GRIP1: variants seen among roughly 807,000 people sequenced by gnomAD.
GRIP1 encodes glutamate receptor interacting protein 1.
GRIP1 carries 45 observed loss-of-function variants against 129.9 expected under a neutral mutation model. That is an observed-to-expected ratio of 0.35 (90% CI 0.27 to 0.44). GRIP1 has a LOEUF of 0.44. GRIP1 is among the 20% of genes least tolerant of loss of function. The pLI, the probability that GRIP1 is intolerant of heterozygous loss-of-function variation, is 1.00. For missense variants in GRIP1, 1,196 were observed against 1,396.8 expected, an observed-to-expected ratio of 0.86 and a Z score of 2.29; for synonymous variants, 530 against 520.8, an observed-to-expected ratio of 1.02 and a Z score of -0.24.
At chr12:66,869,309 T>A (rs1441147676) in intron 1 of GRIP1, among the ~76,000 whole-genome samples, 1 of 152,050 alleles carries the variant, frequency 6.6e-6, no homozygotes, top group Non-Finnish European at 1.5e-5. Flanking sequence ...ACTGCTTCAC[T>A]CATCTACTAG....
At chr12:66,847,614 A>C (rs1386375551) in intron 1 of GRIP1, among the ~76,000 whole-genome samples, 1 of 152,186 alleles carries the variant, frequency 6.6e-6, no homozygotes, top group Non-Finnish European at 1.5e-5. Flanking sequence ...GGCCGATTTC[A>C]TATGAAGAGT....
At chr12:66,970,514 T>A (rs2042058427) in intron 1 of GRIP1, among the ~76,000 whole-genome samples, 1 of 151,042 alleles carries the variant, frequency 6.6e-6, no homozygotes, top group East Asian at 2.0e-4. Context: ...AATGTGGTTG[T>A]CAGAGGTTTC....
At chr12:66,806,220 GT>G (rs901395440), upstream of GRIP1, among the ~76,000 whole-genome samples, 5 of 152,036 alleles carry the variant, frequency 3.3e-5, no homozygotes, top group Admixed American at 6.5e-5. Flanking sequence ...TGTTTTAGTG[GT>G]TTGTCCAAGA....
At chr12:66,959,098 T>C (rs890967163) in intron 1 of GRIP1, among the ~76,000 whole-genome samples, 54 of 152,244 alleles carry the variant, frequency 3.5e-4, no homozygotes, top group Admixed American at 5.9e-4. Flanking sequence ...CCCCATTTTT[T>C]AATTGGTATA....
chr12:67,012,504 C>T (rs2042725113), intron 1 of GRIP1, among the ~76,000 whole-genome samples: 1 of 152,184 alleles, frequency 6.6e-6, no homozygotes, highest in South Asian at 2.1e-4. Flanking sequence ...TAAGCCATCA[C>T]TTAGGACCTG....
At chr12:66,585,524 G>C (rs868720885) in intron 2 of GRIP1, among the ~76,000 whole-genome samples, 17 of 139,982 alleles carry the variant, frequency 1.2e-4, no homozygotes, top group African/African-American at 2.6e-4. Context: ...TGGGTTGGTT[G>C]CAAGTCTTTG....
intron 9 of GRIP1, among the ~76,000 whole-genome samples, chr12:66,456,947 G>C (rs369345053): frequency 6.6e-6 from 1 of 151,966 alleles, no homozygotes; most frequent in Admixed American, 6.5e-5. Flanking sequence ...CGACTAATAA[G>C]GAGAAGATAA....
chr12:66,352,268 G>C (rs1234117369), intron 24 of GRIP1, among the ~76,000 whole-genome samples: 4 of 152,178 alleles, frequency 2.6e-5, no homozygotes. Flanking sequence ...CTTTTAGACG[G>C]AGTGGTTTAA....
intron 1 of GRIP1, among the ~76,000 whole-genome samples, chr12:66,894,178 A>C (rs945018081): frequency 6.6e-6 from 1 of 152,136 alleles, no homozygotes; most frequent in African/African-American, 2.4e-5. Flanking sequence ...GGACACATTT[A>C]AAAGTCTTTC....
intron 1 of GRIP1, among the ~76,000 whole-genome samples, chr12:66,659,492 T>C (rs1276623627): frequency 6.6e-6 from 1 of 152,246 alleles, no homozygotes; most frequent in Non-Finnish European, 1.5e-5. Context: ...AACAAAATAC[T>C]TAAAAGTTAC....
intron 1 of GRIP1, among the ~76,000 whole-genome samples, chr12:66,736,595 G>A (rs899975547): frequency 1.3e-5 from 2 of 151,794 alleles, no homozygotes; most frequent in South Asian, 4.2e-4. Context: ...AGGCTGAGGA[G>A]CAGGAGGAAA....
intron 1 of GRIP1, among the ~76,000 whole-genome samples, chr12:66,817,698 C>A (rs1318467974): frequency 6.6e-6 from 1 of 152,156 alleles, no homozygotes; most frequent in East Asian, 1.9e-4. Context: ...CAGGCATGAG[C>A]CACCATGCCT....
chr12:66,480,756 C>T (rs967121896), intron 7 of GRIP1, among the ~76,000 whole-genome samples: 8 of 152,094 alleles, frequency 5.3e-5, no homozygotes, highest in African/African-American at 1.9e-4. Flanking sequence ...GAAATAATAC[C>T]ACACATCTAC....
chr12:66,893,038 C>T (rs567840124), intron 1 of GRIP1, among the ~76,000 whole-genome samples: 1 of 152,184 alleles, frequency 6.6e-6, no homozygotes, highest in African/African-American at 2.4e-5. Flanking sequence ...CACAAAGAAA[C>T]ATCCTATGCC....
intron 1 of GRIP1, among the ~76,000 whole-genome samples, chr12:66,892,834 G>A (rs1403368375): frequency 6.6e-6 from 1 of 152,148 alleles, no homozygotes; most frequent in East Asian, 1.9e-4. Flanking sequence ...AGGTATGGTG[G>A]TGCACACCTG....
At chr12:66,425,487 G>C (rs2057951071) in intron 14 of GRIP1, among the ~76,000 whole-genome samples, 1 of 152,034 alleles carries the variant, frequency 6.6e-6, no homozygotes, top group Non-Finnish European at 1.5e-5. Flanking sequence ...ATACCCAAAG[G>C]ATTATAAATC....
intron 1 of GRIP1, among the ~76,000 whole-genome samples, chr12:66,917,221 C>A (rs2041137969): frequency 6.6e-6 from 1 of 152,114 alleles, no homozygotes; most frequent in Non-Finnish European, 1.5e-5. Context: ...ATCAGCATAG[C>A]CCTAATTTAA....
At position 66,768,551 on chromosome 12, in the gene GRIP1, G is replaced by C. The variant is rs192891163; in HGVS notation, c.-420+35502C>G. Among the ~76,000 whole-genome samples the C allele has an allele frequency of 5.9e-5, 9 of 152,318 alleles. No individual in the cohort carries two copies. The East Asian group carries it at 1.7e-3, about 29-fold the overall frequency. On this transcript the variant is annotated intron_variant, in intron 1 of 4. Transcript: ENST00000538373. ...GTGGGCTCACCAGCAGGCTGAAGGAGTGAAGGCAGGAACAATGTGTCCTTA... is the reference window on the plus strand; with the variant it reads ...GTGGGCTCACCAGCAGGCTGAAGGACTGAAGGCAGGAACAATGTGTCCTTA...
At chr12:66,439,361 T>C (rs1034450452) in intron 13 of GRIP1, among the ~76,000 whole-genome samples, 1 of 152,190 alleles carries the variant, frequency 6.6e-6, no homozygotes, top group African/African-American at 2.4e-5. Context: ...CACTTGGGCC[T>C]CAATCTCCTA....
Sources: allele counts gnomAD v4.1 joint callset (sites outside exome capture counted in the v4.1 genomes callset), GRCh38; gene constraint gnomAD v4.1.1; transcripts MANE v1.5; gene names NCBI Gene and HGNC (gene_info 2026-07-23, HGNC 2026-07-21).